The following GP6 variants were observed in gnomAD, a reference collection of about 807,000 sequenced individuals.
GP6 encodes platelet glycoprotein VI.
A neutral mutation model predicts 37.3 loss-of-function variants in GP6; 45 were observed. The ratio of observed to expected loss-of-function variants is 1.21; its 90% CI spans 0.95 to 1.55. GP6 has a LOEUF of 1.55. GP6 is among the 40% of genes most tolerant of loss of function. The pLI, the probability that GP6 is intolerant of heterozygous loss-of-function variation, is 0.00. For synonymous variants in GP6, 340 were observed against 316.4 expected (o/e 1.07, Z -0.79); for missense variants, 813 against 760.2 (o/e 1.07, Z -0.82).
At chr19:55,024,318 A>ACACATGCACGCG (rs1568613039) in intron 5 of GP6, among the ~76,000 whole-genome samples, 6 of 124,046 alleles carry the variant, frequency 4.8e-5, no homozygotes, top group East Asian at 5.7e-4. Context: ...ATATGCACGC[A>ACACATGCACGCG]CACACACATA....
In GP6 at chr19:55,027,630, C is replaced by A. The variant is rs1377236234; in HGVS notation, c.558G>T (p.Arg186Ser). The A allele has an allele frequency of 1.2e-6, 2 of 1,613,634 alleles. No individual in the cohort carries two copies. Among genetic ancestry groups the A allele is most frequent in the African/African-American group, 2.7e-5 (2 of 74,934 alleles). The change falls in exon 4 of 8, where the codon AGG becomes AGT. Residue 186 changes from arginine (R) to serine (S), a missense_variant. Arg to Ser is a moderately radical substitution (Grantham distance 110). Coordinates refer to ENST00000310373, the MANE Select transcript of GP6 (RefSeq NM_001083899.2). ...TGGGGGCTGACCACAGGTATGGGTC[C>A]CTGCTGGAGAAGCTGTAGCATCGGT...
intron 3 of GP6, 87 bp from the exon 4 acceptor site, chr19:55,027,949 G>T: frequency 1.4e-6 from 2 of 1,387,988 alleles, no homozygotes; most frequent in Non-Finnish European, 2.1e-6. Context: ...CCTAAGAGCT[G>T]GGGAGCTTTT....
intron 3 of GP6, 55 bp from the exon 4 acceptor site, chr19:55,027,917 A>G: frequency 6.4e-7 from 1 of 1,570,472 alleles, no homozygotes; most frequent in East Asian, 2.2e-5. Context: ...CTCAGCTGAG[A>G]CTGGGGAGGT....
chr19:55,034,051 T>C (rs1455886365), intron 1 of GP6, among the ~76,000 whole-genome samples: 2 of 151,964 alleles, frequency 1.3e-5, no homozygotes, highest in Non-Finnish European at 2.9e-5. Context: ...ACACATATAG[T>C]GCATATATGT....
At chr19:55,032,670 G>T (rs2074612402) in intron 1 of GP6, 132 bp from the exon 2 acceptor site, 4 of 990,688 alleles carry the variant, frequency 4.0e-6, no homozygotes, top group Non-Finnish European at 6.3e-6. Flanking sequence ...AAGACACACA[G>T]GAATGTAATT....
In GP6 at chr19:55,014,765, G is replaced by C. The variant is rs1310049725; in HGVS notation, c.1180C>G (p.Pro394Ala). 3 of 1,613,728 alleles carry C rather than the reference G, an allele frequency of 1.9e-6. No homozygotes were observed. Among genetic ancestry groups the C allele is most frequent in the Middle Eastern group, 1.6e-4 (1 of 6,062 alleles). ...CAGACAGACAGACACTGGCCGAACG[G>C]CTCCCTGATGGAACACCAGGAGGAG... The change falls in exon 8 of 8, where the codon CCG becomes GCG. Residue 394 changes from proline to alanine, a missense_variant. Physicochemically the swap from Pro to Ala is conservative, Grantham distance 27. Coordinates refer to ENST00000310373, the MANE Select transcript of GP6 (RefSeq NM_001083899.2).
chr19:55,017,535 G>A (rs2073921560), intron 6 of GP6, among the ~76,000 whole-genome samples: 2 of 152,124 alleles, frequency 1.3e-5, no homozygotes, highest in Non-Finnish European at 2.9e-5. Context: ...GGAAGAAAAG[G>A]CAGAGTGAGT....
Position 55,032,122 on chromosome 19 carries a change from G to A in GP6, c.325+17C>T, listed in dbSNP as rs370005974. The stretch of plus-strand genomic sequence containing the variant: ...GGAGGACCACGCAGTCCCAGGCTCC[G>A]ATCCCCCTTCCTTTACCCGTGGCAA... On this transcript the variant is annotated intron_variant, in intron 3 of 7. Transcript: ENST00000310373. The A allele has an allele frequency of 3.5e-5, 57 of 1,612,348 alleles. No individual in the cohort carries two copies. In the African/African-American group the frequency reaches 4.1e-4, roughly 12 times the overall value.
intron 7 of GP6, 134 bp from the exon 8 acceptor site, chr19:55,015,299 C>G: frequency 2.9e-5 from 41 of 1,409,094 alleles, no homozygotes; most frequent in Non-Finnish European, 3.9e-5. Flanking sequence ...CCTGGAGGGT[C>G]CCTCCCTTCC....
intron 5 of GP6, among the ~76,000 whole-genome samples, chr19:55,019,252 C>A (rs530191273): frequency 6.6e-6 from 1 of 151,952 alleles, no homozygotes; most frequent in Non-Finnish European, 1.5e-5. Flanking sequence ...ATTACAGGCA[C>A]CTGCCATCAC....
In GP6 at chr19:55,032,465, G is replaced by T. The variant is rs760718784; in HGVS notation, c.67+41C>A. 13 of 1,613,560 alleles carry T rather than the reference G, an allele frequency of 8.1e-6. No individual in the cohort carries two copies. In the South Asian group the frequency reaches 1.4e-4, roughly 18 times the overall value. Reference sequence around the variant, plus strand: ...CCTGGACCCCGCTGCTCCCGCGCTGGCGGATCCCGCAGGAGGGAAGGGGTC... The same window carrying T: ...CCTGGACCCCGCTGCTCCCGCGCTGTCGGATCCCGCAGGAGGGAAGGGGTC... On this transcript the variant is annotated intron_variant, in intron 2 of 7. Coordinates refer to ENST00000310373, the MANE Select transcript of GP6 (RefSeq NM_001083899.2).
rs80354944 is a variant in GP6 at position 55,015,549 on chromosome 19, G to A, written c.779+130C>T. On this transcript the variant is annotated intron_variant, in intron 7 of 7. Transcript: ENST00000310373. ...TAATGCCCAATTCTGAACCCCATAC[G>A]CTGATATTCTGCCTTTACTCTACAC... 2.4e-3 allele frequency: 1,692 copies of A among 716,492 alleles called. 14 individuals carry two copies. In the African/African-American group the frequency reaches 0.026, roughly 11 times the overall value. The allele number at this position is 716,492 out of a possible 1,614,324, so 44.4% of individuals were successfully genotyped here. A position where few individuals can be genotyped will look rare whatever the true frequency, so the allele number is the denominator to read the frequency against.
intron 7 of GP6, 55 bp from the exon 8 acceptor site, chr19:55,015,220 C>CAGGG (rs2073828157): frequency 6.5e-7 from 1 of 1,549,842 alleles, no homozygotes; most frequent in African/African-American, 1.4e-5. Flanking sequence ...CCAGGACCCC[C>CAGGG]TCCAAGCCAC....
intron 5 of GP6, among the ~76,000 whole-genome samples, chr19:55,021,201 G>GAAAAA (rs71181727): frequency 7.8e-6 from 1 of 127,412 alleles, no homozygotes; most frequent in Non-Finnish European, 1.6e-5. Flanking sequence ...TCTACTAAAA[G>GAAAAA]AAAAAAAAAA....
chr19:55,021,313 G>A (rs542815767), intron 5 of GP6, among the ~76,000 whole-genome samples: 7 of 148,868 alleles, frequency 4.7e-5, no homozygotes, highest in Admixed American at 1.3e-4. Flanking sequence ...GCAGTGAGCC[G>A]AGATCGCACC....
At chr19:55,019,685 T>TC (rs1009565893) in intron 5 of GP6, among the ~76,000 whole-genome samples, 3 of 148,940 alleles carry the variant, frequency 2.0e-5, no homozygotes, top group Admixed American at 1.3e-4. Context: ...TTTCTTTTTT[T>TC]TTTTTTTTTT....
At chr19:55,015,239 T>G in intron 7 of GP6, 74 bp from the exon 8 acceptor site, 1 of 1,548,846 alleles carries the variant, frequency 6.5e-7, no homozygotes. Context: ...ACATCTGGGC[T>G]TCTCAGAGAT....
chr19:55,023,422 G>A (rs111981719), intron 5 of GP6, among the ~76,000 whole-genome samples: 1,786 of 152,284 alleles, frequency 0.012, 29 homozygotes, highest in African/African-American at 0.041. Context: ...TTGGATCATA[G>A]GGGTGGATCC....
intron 1 of GP6, chr19:55,032,793 G>A (rs1402742646): frequency 1.6e-5 from 10 of 614,386 alleles, no homozygotes; most frequent in Non-Finnish European, 2.3e-5. Flanking sequence ...TCCATGGCTG[G>A]GGGTGGTGGG....
Sources: allele counts gnomAD v4.1 joint callset (sites outside exome capture counted in the v4.1 genomes callset), GRCh38; gene constraint gnomAD v4.1.1; transcripts MANE v1.5; gene names NCBI Gene and HGNC (gene_info 2026-07-23, HGNC 2026-07-21).